GPHN: variants seen among roughly 807,000 people sequenced by gnomAD.
GPHN encodes the protein gephyrin.
A neutral mutation model predicts 95.5 loss-of-function variants in GPHN; 17 were observed. That is an observed-to-expected ratio of 0.18 (90% CI 0.12 to 0.27). The LOEUF is 0.27. GPHN is among the 10% of genes least tolerant of loss of function. The pLI is 1.00. For missense variants in GPHN, 660 were observed against 978.1 expected (o/e 0.67, Z 4.34); for synonymous variants, 320 against 322.5 (o/e 0.99, Z 0.08).
chr14:67,671,291 C>T, the GPHN span, among the ~76,000 whole-genome samples: 61 of 152,168 alleles, frequency 4.0e-4, no homozygotes, highest in Middle Eastern at 3.4e-3. Flanking sequence ...TTTGGGAGGC[C>T]GTGGCGGGCA....
At chr14:67,674,287 G>C in the GPHN span, 3 of 1,261,226 alleles carry the variant, frequency 2.4e-6, no homozygotes, top group Non-Finnish European at 3.2e-6. Context: ...AGGAGACGCG[G>C]GCCCGGGTCT....
chr14:67,120,719 C>G (rs1279609223), intron 16 of GPHN, among the ~76,000 whole-genome samples: 1 of 152,170 alleles, frequency 6.6e-6, no homozygotes, highest in Non-Finnish European at 1.5e-5. Flanking sequence ...AAATTATAAT[C>G]ACTTTAATAA....
intron 9 of GPHN, among the ~76,000 whole-genome samples, chr14:67,006,688 A>G (rs2072634976): frequency 6.6e-6 from 1 of 152,192 alleles, no homozygotes; most frequent in South Asian, 2.1e-4. Context: ...AATGGTCTTC[A>G]GTCAGATGCT....
chr14:67,202,020 A>G, the GPHN span, among the ~76,000 whole-genome samples: 2 of 152,180 alleles, frequency 1.3e-5, no homozygotes, highest in Non-Finnish European at 2.9e-5. Context: ...TAGTTCAGGT[A>G]TCAGCTAGAG....
the GPHN span, among the ~76,000 whole-genome samples, chr14:67,260,637 A>G: frequency 6.6e-6 from 1 of 152,210 alleles, no homozygotes; most frequent in East Asian, 1.9e-4. Context: ...CTTAACAGAT[A>G]AAAAGTTGAA....
At chr14:67,048,677 G>A (rs2075151943) in intron 10 of GPHN, among the ~76,000 whole-genome samples, 1 of 152,130 alleles carries the variant, frequency 6.6e-6, no homozygotes, top group Non-Finnish European at 1.5e-5. Context: ...GAACCTTGTA[G>A]TTTATTTTTA....
chr14:67,622,974 G>T, the GPHN span, among the ~76,000 whole-genome samples: 1 of 152,074 alleles, frequency 6.6e-6, no homozygotes, highest in Non-Finnish European at 1.5e-5. Context: ...CCAACCCAGG[G>T]GAAGCCATTC....
At chr14:67,616,213 TGTC>T in the GPHN span, 2 of 200,368 alleles carry the variant, frequency 1.0e-5, no homozygotes, top group Non-Finnish European at 1.9e-5. Context: ...AACTGTACAC[TGTC>T]TTTTTTTTTT....
the GPHN span, among the ~76,000 whole-genome samples, chr14:67,284,481 A>T: frequency 7.3e-6 from 1 of 136,248 alleles, no homozygotes; most frequent in African/African-American, 2.8e-5. Context: ...TAGTCCCAGC[A>T]TACTAGGGAG....
chr14:67,459,267 C>CAAG, the GPHN span, among the ~76,000 whole-genome samples: 1 of 152,148 alleles, frequency 6.6e-6, no homozygotes, highest in Non-Finnish European at 1.5e-5. Context: ...CCCCTGGCTT[C>CAAG]AAGCAACCCT....
At chr14:66,942,639 A>G (rs1254729080) in intron 8 of GPHN, among the ~76,000 whole-genome samples, 1 of 152,210 alleles carries the variant, frequency 6.6e-6, no homozygotes, top group African/African-American at 2.4e-5. Context: ...AGACATTAGA[A>G]TTTTTGAAAT....
intron 3 of GPHN, among the ~76,000 whole-genome samples, chr14:66,814,768 A>T (rs116541532): frequency 1.6e-3 from 247 of 152,324 alleles, no homozygotes; most frequent in African/African-American, 5.4e-3. Flanking sequence ...TTTCTTCCAG[A>T]TGACCACACC....
rs1567429154 is a variant in GPHN at position 67,161,738 on chromosome 14, G to A, written c.1910+2250G>A. On this transcript the variant is annotated intron_variant, in intron 19 of 22. Transcript: ENST00000478722. ...ACTGCACTCCAGCCTGGGCAGCAGA[G>A]TAAGACCCTGCCTCAAAAAAAAAAA... Among the ~76,000 whole-genome samples the A allele has an allele frequency of 3.3e-5, 5 of 152,122 alleles. 1 individual carries two copies. The South Asian group carries it at 1.0e-3, about 32-fold the overall frequency.
intron 13 of GPHN, among the ~76,000 whole-genome samples, chr14:67,105,254 A>G (rs376028508): frequency 6.6e-6 from 1 of 152,044 alleles, no homozygotes; most frequent in African/African-American, 2.4e-5. Flanking sequence ...GTGGCCTAAT[A>G]TGGTCTATCT....
intron 9 of GPHN, among the ~76,000 whole-genome samples, chr14:66,982,218 C>G: frequency 6.6e-6 from 1 of 151,928 alleles, no homozygotes. Flanking sequence ...AGTTTTCTAC[C>G]TTGTTAATGG....
chr14:67,449,101 A>G, the GPHN span, among the ~76,000 whole-genome samples: 1 of 152,202 alleles, frequency 6.6e-6, no homozygotes, highest in Non-Finnish European at 1.5e-5. Flanking sequence ...AGCTGGCATC[A>G]TGAGGACACA....
the GPHN span, among the ~76,000 whole-genome samples, chr14:67,456,328 G>A: frequency 3.3e-5 from 5 of 152,230 alleles, no homozygotes; most frequent in East Asian, 1.9e-4. Context: ...GGCCAGGCAC[G>A]GTGGCTCACG....
chr14:67,032,485 A>G (rs1204108172), intron 10 of GPHN, among the ~76,000 whole-genome samples: 1 of 152,170 alleles, frequency 6.6e-6, no homozygotes, highest in Non-Finnish European at 1.5e-5. Flanking sequence ...TACCAAGAGA[A>G]TGGTTTCTCT....
the GPHN span, among the ~76,000 whole-genome samples, chr14:67,328,843 G>C: frequency 6.6e-6 from 1 of 152,186 alleles, no homozygotes; most frequent in East Asian, 1.9e-4. Flanking sequence ...CTGTATCTCT[G>C]TTTTGGTACC....
Sources: allele counts gnomAD v4.1 joint callset (sites outside exome capture counted in the v4.1 genomes callset), GRCh38; gene constraint gnomAD v4.1.1; transcripts MANE v1.5; gene names NCBI Gene and HGNC (gene_info 2026-07-23, HGNC 2026-07-21).